The following TNIK variants were observed in gnomAD, a reference collection of about 807,000 sequenced individuals.
TNIK encodes the protein TRAF2 and NCK-interacting protein kinase.
A neutral mutation model predicts 191.3 loss-of-function variants in TNIK; 49 were observed. The observed-to-expected ratio is 0.26, with a 90% CI of 0.20 to 0.32. The LOEUF is 0.32. Ranked by LOEUF, TNIK falls within the 10% of genes least tolerant of loss-of-function variation. The pLI is 1.00. For missense variants in TNIK, 1,155 were observed against 1,702.3 expected, an observed-to-expected ratio of 0.68 and a Z score of 5.66; for synonymous variants, 594 against 600.9, an observed-to-expected ratio of 0.99 and a Z score of 0.17.
chr3:171,282,961 G>A (rs758002874), intron 2 of TNIK, among the ~76,000 whole-genome samples: 10 of 152,022 alleles, frequency 6.6e-5, no homozygotes, highest in African/African-American at 1.2e-4. Flanking sequence ...GCCTGGGCCC[G>A]CCTTATATTC....
intron 1 of TNIK, among the ~76,000 whole-genome samples, chr3:171,380,010 A>AAC (rs142059726): frequency 0.031 from 3,779 of 123,160 alleles, 91 homozygotes; most frequent in African/African-American, 0.077. Flanking sequence ...ACTTGGTCAA[A>AAC]ACACACACAC....
intron 2 of TNIK, among the ~76,000 whole-genome samples, chr3:171,327,775 G>A (rs912760786): frequency 6.6e-6 from 1 of 151,838 alleles, no homozygotes; most frequent in Admixed American, 6.6e-5. Flanking sequence ...CTGCATAAAG[G>A]AAGGTGTAAC....
chr3:171,297,372 T>C (rs1261573502), intron 2 of TNIK, among the ~76,000 whole-genome samples: 2 of 152,156 alleles, frequency 1.3e-5, no homozygotes, highest in African/African-American at 2.4e-5. Context: ...CACATGTAAG[T>C]AATGCACTGA....
chr3:171,135,025 A>G (rs1194492941), intron 15 of TNIK, among the ~76,000 whole-genome samples: 2 of 152,220 alleles, frequency 1.3e-5, no homozygotes, highest in Non-Finnish European at 2.9e-5. Context: ...TCAGTGGCAC[A>G]TGGGGCAAAA....
At chr3:171,263,018 T>G (rs1436015056) in intron 2 of TNIK, among the ~76,000 whole-genome samples, 2 of 152,182 alleles carry the variant, frequency 1.3e-5, no homozygotes, top group African/African-American at 4.8e-5. Context: ...ATAGAACTTA[T>G]AAAGCCATAT....
intron 2 of TNIK, among the ~76,000 whole-genome samples, chr3:171,355,861 A>G (rs1197877649): frequency 2.6e-5 from 4 of 152,100 alleles, no homozygotes; most frequent in Admixed American, 6.6e-5. Flanking sequence ...CTTTCTTTCC[A>G]TCCTCTATTT....
At chr3:171,148,662 A>G (rs73882615) in intron 12 of TNIK, among the ~76,000 whole-genome samples, 2,256 of 152,314 alleles carry the variant, frequency 0.015, 45 homozygotes, top group African/African-American at 0.042. Context: ...AGATGATACT[A>G]AAGATGCTAA....
Position 171,087,477 on chromosome 3 carries a change from G to A in TNIK, c.2751C>T (p.His917=). Residue 917 remains histidine, a synonymous_variant, in exon 24 of 33, where the codon CAC becomes CAT. Transcript: ENST00000436636. ...GGCCAGCAAAGCCATTGCTGTCACT[G>A]TGGCCAGATCGCTTCTTCTCTCCAG... The part of the protein sequence containing the change: ...ETSGEKKRSG[H]SDSNGFAGHI... 6.2e-7 allele frequency: 1 copy of A among 1,613,910 alleles called. No homozygotes were observed. The highest frequency in any genetic ancestry group is 1.1e-5 in the South Asian group (1 of 91,084).
chr3:171,084,151 A>G lies in TNIK; in HGVS notation c.3169+4T>C, dbSNP rs1227388942. The G allele has an allele frequency of 4.4e-6, 7 of 1,576,824 alleles. No individual in the cohort carries two copies. Among genetic ancestry groups the G allele is most frequent in the African/African-American group, 1.4e-5 (1 of 72,634 alleles). On this transcript the variant is annotated splice_donor_region_variant and intron_variant, in intron 26 of 32. Transcript: ENST00000436636. ...AAAAAAAAAAAAAAAAAGCACCAAC[A>G]TACCCCACAGAGCTGCACAAAGTAT...
chr3:171,098,299 A>G (rs1027916287), intron 22 of TNIK, among the ~76,000 whole-genome samples: 3 of 151,952 alleles, frequency 2.0e-5, no homozygotes, highest in Non-Finnish European at 4.4e-5. Context: ...TAAAGCTTTT[A>G]TTTTTTTCCT....
At chr3:171,120,273 G>C (rs376526527) in intron 18 of TNIK, among the ~76,000 whole-genome samples, 6 of 151,540 alleles carry the variant, frequency 4.0e-5, no homozygotes, top group Admixed American at 3.9e-4. Flanking sequence ...AGCAAAAACT[G>C]ACCGTTTTTG....
At chr3:171,328,773 G>T (rs141139135) in intron 2 of TNIK, among the ~76,000 whole-genome samples, 208 of 152,292 alleles carry the variant, frequency 1.4e-3, no homozygotes, top group African/African-American at 4.8e-3. Context: ...CCAGTGTGGG[G>T]GTGGATTCTG....
At chr3:171,354,638 C>T (rs758103964) in intron 2 of TNIK, among the ~76,000 whole-genome samples, 6 of 152,194 alleles carry the variant, frequency 3.9e-5, no homozygotes, top group African/African-American at 1.4e-4. Context: ...TCCCTAGAGA[C>T]TGTTGCACAG....
intron 2 of TNIK, among the ~76,000 whole-genome samples, chr3:171,335,677 A>G (rs1209518433): frequency 6.6e-6 from 1 of 152,178 alleles, no homozygotes; most frequent in African/African-American, 2.4e-5. Flanking sequence ...CCATTTGATA[A>G]GTATGTAGAT....
Position 171,108,127 on chromosome 3 carries a change from G to T in TNIK, c.2320C>A (p.His774Asn), listed in dbSNP as rs867787657. ...TCTGGTTTCACCTTCGCAGGCTCATGGGGGAGCACAGGTGATCCTTCTGAC... is the reference window on the plus strand; with the variant it reads ...TCTGGTTTCACCTTCGCAGGCTCATTGGGGAGCACAGGTGATCCTTCTGAC... ...SKSEGSPVLP[H>N]EPAKVKPEES... The change falls in exon 20 of 33, where the codon CAT (histidine) becomes AAT (asparagine). Residue 774 changes from histidine (H) to asparagine (N), a missense_variant. Around this residue, in one of 3 missense-constraint regions of TNIK, gnomAD observed 735 missense variants for 848.0 expected, o/e 0.87. Coordinates refer to ENST00000436636, the MANE Select transcript of TNIK (RefSeq NM_015028.4). 6.3e-7 allele frequency: 1 copy of T among 1,576,076 alleles called. No individual in the cohort carries two copies. Among genetic ancestry groups the T allele is most frequent in the East Asian group, 2.3e-5 (1 of 43,238 alleles).
At chr3:171,384,820 C>A (rs1718516873) in intron 1 of TNIK, among the ~76,000 whole-genome samples, 1 of 152,130 alleles carries the variant, frequency 6.6e-6, no homozygotes, top group Non-Finnish European at 1.5e-5. Context: ...AAAATGACTT[C>A]ATCGTTTATA....
chr3:171,418,535 A>T (rs1350411822), intron 1 of TNIK, among the ~76,000 whole-genome samples: 1 of 152,224 alleles, frequency 6.6e-6, no homozygotes, highest in Non-Finnish European at 1.5e-5. Context: ...ATACTCATAC[A>T]TGCTACTACA....
At chr3:171,206,943 A>G (rs1227533343) in intron 4 of TNIK, among the ~76,000 whole-genome samples, 1 of 152,202 alleles carries the variant, frequency 6.6e-6, no homozygotes, top group Non-Finnish European at 1.5e-5. Context: ...GAATGAAATT[A>G]ATAGCTAGGT....
chr3:171,238,227 CA>C (rs531826905), intron 2 of TNIK, among the ~76,000 whole-genome samples: 91 of 151,400 alleles, frequency 6.0e-4, no homozygotes, highest in Non-Finnish European at 1.1e-3. Context: ...CATAATCTTT[CA>C]AAAAAATTCA....
Sources: allele counts gnomAD v4.1 joint callset (sites outside exome capture counted in the v4.1 genomes callset), GRCh38; gene constraint gnomAD v4.1.1; regional missense constraint gnomAD v4.1.1; transcripts MANE v1.5; gene names NCBI Gene and HGNC (gene_info 2026-07-23, HGNC 2026-07-21).